The following ATAD2B variants were observed in gnomAD, a reference collection of about 807,000 sequenced individuals.
The protein encoded by ATAD2B is ATPase family AAA domain containing 2B.
In ATAD2B, 40 loss-of-function variants were observed where a neutral mutation model predicts 167.6. The ratio of observed to expected loss-of-function variants is 0.24; its 90% CI spans 0.19 to 0.31. The LOEUF is 0.31. ATAD2B is among the 10% of genes least tolerant of loss of function. ATAD2B has a pLI of 1.00. For synonymous variants in ATAD2B, 579 were observed against 596.5 expected, an observed-to-expected ratio of 0.97 and a Z score of 0.43; for missense variants, 1,242 against 1,757.2, an observed-to-expected ratio of 0.71 and a Z score of 5.24.
At chr2:23,738,095 G>C in the ATAD2B span, among the ~76,000 whole-genome samples, 3 of 152,210 alleles carry the variant, frequency 2.0e-5, no homozygotes, top group Non-Finnish European at 2.9e-5. Context: ...AAAGTGACGG[G>C]GAGAATGGAA....
the ATAD2B span, among the ~76,000 whole-genome samples, chr2:23,715,555 C>T: frequency 5.9e-5 from 9 of 151,288 alleles, 1 homozygote; most frequent in African/African-American, 2.2e-4. Flanking sequence ...GCCTGGGCAA[C>T]AGAGCAAGAC....
intron 21 of ATAD2B, among the ~76,000 whole-genome samples, chr2:23,785,106 G>A (rs995255834): frequency 2.0e-5 from 3 of 151,944 alleles, no homozygotes; most frequent in African/African-American, 7.2e-5. Context: ...ACTTGCCAGG[G>A]GGGAGGAATG....
chr2:23,822,219 C>T lies in ATAD2B; in HGVS notation c.2131+1039G>A, dbSNP rs533992766. Reference sequence around the variant, plus strand: ...CCCTGGGTTGAGGCAGTCCCCAGAACTTATTGAATGACCTTATATTAATTA... The same window carrying T: ...CCCTGGGTTGAGGCAGTCCCCAGAATTTATTGAATGACCTTATATTAATTA... On this transcript the variant is annotated intron_variant, in intron 16 of 27. Coordinates refer to ENST00000238789, the MANE Select transcript of ATAD2B (RefSeq NM_017552.4). Among the ~76,000 whole-genome samples the T allele has an allele frequency of 2.0e-5, 3 of 152,286 alleles. No homozygotes were observed. In the South Asian group the frequency reaches 6.2e-4, roughly 32 times the overall value.
At chr2:23,747,369 C>T (rs1285466799), downstream of ATAD2B, among the ~76,000 whole-genome samples, 2 of 150,674 alleles carry the variant, frequency 1.3e-5, no homozygotes, top group African/African-American at 2.4e-5. Flanking sequence ...ATATATAATA[C>T]TATACAGCCC....
chr2:23,746,971 C>T (rs905102866), downstream of ATAD2B, among the ~76,000 whole-genome samples: 4 of 152,110 alleles, frequency 2.6e-5, no homozygotes, highest in Non-Finnish European at 5.9e-5. Context: ...CGGACTTTTT[C>T]TGTTTAGTTT....
the ATAD2B span, among the ~76,000 whole-genome samples, chr2:23,730,665 CAAAAAAAAAA>C: frequency 7.2e-3 from 232 of 32,004 alleles, 1 homozygote; most frequent in African/African-American, 0.025. Flanking sequence ...GACTCCGTTT[CAAAAAAAAAA>C]AAAAAAAAAA....
chr2:23,868,371 G>T (rs1013545410), intron 9 of ATAD2B, among the ~76,000 whole-genome samples: 1 of 152,214 alleles, frequency 6.6e-6, no homozygotes, highest in Non-Finnish European at 1.5e-5. Context: ...TGCAATCACA[G>T]CTCACTACAG....
intron 18 of ATAD2B, among the ~76,000 whole-genome samples, chr2:23,808,068 A>AATATATAAGTAATTATATCTATAATT: frequency 1.6e-5 from 1 of 60,920 alleles, no homozygotes; most frequent in East Asian, 3.8e-4. Flanking sequence ...TATAAATTAT[A>AATATATAAGTAATTATATCTATAATT]ATATATAAGT....
chr2:23,849,476 T>C (rs1189893156), intron 13 of ATAD2B, among the ~76,000 whole-genome samples: 2 of 152,152 alleles, frequency 1.3e-5, no homozygotes, highest in Non-Finnish European at 2.9e-5. Context: ...GAATTCATTA[T>C]AGCTGGACAT....
At chr2:23,896,194 A>ACCTGTAATT (rs1700134102) in intron 1 of ATAD2B, among the ~76,000 whole-genome samples, 1 of 150,930 alleles carries the variant, frequency 6.6e-6, no homozygotes, top group Admixed American at 6.6e-5. Flanking sequence ...GGTGGCAGGC[A>ACCTGTAATT]CCTGTAATTC....
In ATAD2B at chr2:23,895,801, T is replaced by A; in HGVS notation, c.368+18A>T. 5 of 1,562,668 alleles carry A rather than the reference T, an allele frequency of 3.2e-6. No individual in the cohort carries two copies. The highest frequency in any genetic ancestry group is 4.3e-6 in the Non-Finnish European group (5 of 1,151,264). On this transcript the variant is annotated intron_variant, in intron 2 of 27. Coordinates refer to ENST00000238789, the MANE Select transcript of ATAD2B (RefSeq NM_017552.4). ...CAGTAATTTAAGAAAAAACAATCAA[T>A]GAGTTCTCCTTTCTCACCTGGCCTG...
chr2:23,891,375 T>C (rs1699461309), intron 2 of ATAD2B, among the ~76,000 whole-genome samples: 1 of 152,184 alleles, frequency 6.6e-6, no homozygotes, highest in Non-Finnish European at 1.5e-5. Flanking sequence ...TAAAAGTTTC[T>C]GTATTATATG....
intron 1 of ATAD2B, among the ~76,000 whole-genome samples, chr2:23,905,596 A>C (rs1218864195): frequency 6.6e-6 from 1 of 152,204 alleles, no homozygotes; most frequent in Non-Finnish European, 1.5e-5. Flanking sequence ...ACATTACAGC[A>C]CTACCACTAT....
downstream of ATAD2B, among the ~76,000 whole-genome samples, chr2:23,745,788 T>C (rs1176906843): frequency 6.6e-6 from 1 of 152,238 alleles, no homozygotes; most frequent in Non-Finnish European, 1.5e-5. Flanking sequence ...TTACCACTGT[T>C]AGGTAACATG....
the ATAD2B span, among the ~76,000 whole-genome samples, chr2:23,687,745 G>A: frequency 6.6e-6 from 1 of 152,212 alleles, no homozygotes; most frequent in Admixed American, 6.5e-5. Context: ...GAAGAGCAAG[G>A]TCGAAAGGCG....
chr2:23,832,314 CA>C (rs1689184406), intron 14 of ATAD2B: 2 of 433,444 alleles, frequency 4.6e-6, no homozygotes, highest in South Asian at 3.4e-5. Context: ...GGCCTTTCCA[CA>C]GACCCAGGCT....
At chr2:23,886,621 G>C (rs886840383) in intron 4 of ATAD2B, among the ~76,000 whole-genome samples, 30 of 152,142 alleles carry the variant, frequency 2.0e-4, no homozygotes, top group East Asian at 3.8e-4. Flanking sequence ...AATTCAAGTA[G>C]AACACTGACA....
chr2:23,702,188 T>C, the ATAD2B span, among the ~76,000 whole-genome samples: 1 of 152,140 alleles, frequency 6.6e-6, no homozygotes, highest in African/African-American at 2.4e-5. Context: ...CCTTGACTGA[T>C]GATGGGGTTA....
chr2:23,772,621 G>T (rs1179019155), intron 22 of ATAD2B, among the ~76,000 whole-genome samples: 1 of 149,172 alleles, frequency 6.7e-6, no homozygotes, highest in Non-Finnish European at 1.5e-5. Flanking sequence ...AATTAAGCAA[G>T]AAAAAAGAAT....
Sources: allele counts gnomAD v4.1 joint callset (sites outside exome capture counted in the v4.1 genomes callset), GRCh38; gene constraint gnomAD v4.1.1; transcripts MANE v1.5; gene names NCBI Gene and HGNC (gene_info 2026-07-23, HGNC 2026-07-21).